Variants in ARHGAP19 observed in about 807,000 individuals in gnomAD.
The protein encoded by ARHGAP19 is Rho GTPase activating protein 19, also known as rho GTPase-activating protein 19.
Under a neutral mutation model 60.9 loss-of-function variants are expected in ARHGAP19, and 48 were observed. That is an observed-to-expected ratio of 0.79 (90% CI 0.62 to 1.00). The LOEUF is 1.00. Among genes scored for constraint, ARHGAP19 ranks in the 50% least tolerant of loss-of-function variants. The pLI, the probability that ARHGAP19 is intolerant of heterozygous loss-of-function variation, is 0.00. For missense variants in ARHGAP19, 562 were observed against 597.2 expected (o/e 0.94, Z 0.61); for synonymous variants, 209 against 215.5 (o/e 0.97, Z 0.27).
chr10:97,241,442 C>A (rs771735212), intron 8 of ARHGAP19, among the ~76,000 whole-genome samples: 1 of 150,668 alleles, frequency 6.6e-6, no homozygotes, highest in Admixed American at 6.6e-5. Context: ...TGGCCAGGTG[C>A]GGTGGCTCAC....
At chr10:97,231,399 T>G (rs1425325450) in intron 9 of ARHGAP19, among the ~76,000 whole-genome samples, 1 of 152,176 alleles carries the variant, frequency 6.6e-6, no homozygotes, top group East Asian at 1.9e-4. Context: ...CACCATCATC[T>G]ATCTTCAGAA....
At chr10:97,248,815 A>G (rs929284822) in intron 6 of ARHGAP19, among the ~76,000 whole-genome samples, 2 of 150,354 alleles carry the variant, frequency 1.3e-5, no homozygotes, top group South Asian at 4.2e-4. Context: ...TTAAATATCA[A>G]TTTTGTTTGT....
At chr10:97,269,079 A>T (rs1842932484) in intron 1 of ARHGAP19, among the ~76,000 whole-genome samples, 1 of 152,192 alleles carries the variant, frequency 6.6e-6, no homozygotes, top group African/African-American at 2.4e-5. Flanking sequence ...CAGTAAAAGC[A>T]ATCACAACTT....
chr10:97,235,645 C>T (rs1322256920), intron 8 of ARHGAP19, among the ~76,000 whole-genome samples: 1 of 152,008 alleles, frequency 6.6e-6, no homozygotes, highest in African/African-American at 2.4e-5. Flanking sequence ...AACAAAGCAT[C>T]TTGGAACCAC....
chr10:97,255,688 G>T (rs1423525156), intron 6 of ARHGAP19, among the ~76,000 whole-genome samples: 1 of 152,138 alleles, frequency 6.6e-6, no homozygotes, highest in African/African-American at 2.4e-5. Flanking sequence ...AACATCAAAA[G>T]GTCAGAGTAT....
At chr10:97,282,839 C>CTTTTTTTTTT (rs56387291) in intron 1 of ARHGAP19, among the ~76,000 whole-genome samples, 1 of 90,994 alleles carries the variant, frequency 1.1e-5, no homozygotes, top group African/African-American at 3.7e-5. Flanking sequence ...TTTCTTTTTT[C>CTTTTTTTTTT]TTTTTTTTTT....
In ARHGAP19 at chr10:97,222,570, T is replaced by C. The variant is rs1850823618; in HGVS notation, c.*3552A>G. ...CTGTCAACTCTACGCTGGTAGAAGA[T>C]CTCGGCATTAGCTGTCTGGGGAAGC... On this transcript the variant is annotated 3_prime_UTR_variant, in exon 12 of 12. Transcript: ENST00000358531. 6.6e-6 allele frequency: 1 copy of C among 152,228 alleles called. No homozygotes were observed. The highest frequency in any genetic ancestry group is 6.5e-5 in the Admixed American group (1 of 15,268). The allele number at this position is 152,228 out of a possible 1,614,324, so 9.4% of individuals were successfully genotyped here. A position where few individuals can be genotyped will look rare whatever the true frequency, so the allele number is the denominator to read the frequency against.
chr10:97,291,187 GCCA>G (rs778402967), intron 1 of ARHGAP19, among the ~76,000 whole-genome samples: 32 of 152,186 alleles, frequency 2.1e-4, no homozygotes, highest in Non-Finnish European at 3.2e-4. Flanking sequence ...GCCAGCAACG[GCCA>G]CCCACTTTGG....
In ARHGAP19 at chr10:97,266,918, C is replaced by T. The variant is rs1842905784; in HGVS notation, c.57-793G>A. ...TCAAAATGAGATTTGGGTGGGGACA[C>T]AGCCAAACCATATCATTCTGCCCCG... On this transcript the variant is annotated intron_variant, in intron 1 of 11. Transcript: ENST00000358531. Among the ~76,000 whole-genome samples, 4 of 152,270 alleles carry T rather than the reference C, an allele frequency of 2.6e-5. No individual in the cohort carries two copies. The South Asian group carries it at 8.3e-4, about 32-fold the overall frequency.
chr10:97,229,156 CCT>C lies in ARHGAP19; in HGVS notation c.1463_1464del (p.Glu488GlyfsTer23), dbSNP rs764635769. On this transcript the variant is annotated frameshift_variant, in exon 11 of 12. Transcript: ENST00000358531. LOFTEE classifies it high-confidence loss of function. ...TAAGTACAATTAGTACCTTTTTTCCCCTCTTTCTTCCCTTCAGACCACTTCAA... is the reference window on the plus strand; with the variant it reads ...TAAGTACAATTAGTACCTTTTTTCCCCTTTCTTCCCTTCAGACCACTTCAA... ...TRLKWSEGKK[E>X]GKKGFL 31 of 1,613,706 alleles carry C rather than the reference CCT, an allele frequency of 1.9e-5. No homozygotes were observed. Among genetic ancestry groups the C allele is most frequent in the Admixed American group, 6.7e-5 (4 of 60,014 alleles).
rs1842799644 is a variant in ARHGAP19 at position 97,259,504 on chromosome 10, C to CA, written c.737dup (p.Leu246PhefsTer3). 6.2e-7 allele frequency: 1 copy of CA among 1,614,044 alleles called. No individual in the cohort carries two copies. The highest frequency in any genetic ancestry group is 8.5e-7 in the Non-Finnish European group (1 of 1,180,030). ...TTGCTGTCTGGTATAGGAGATCAAG[C>CA]AATAACTTCAGCAAATTACGATTAG... is the stretch of plus-strand genomic sequence containing the variant. On this transcript the variant is annotated frameshift_variant, in exon 5 of 12. Transcript: ENST00000358531. LOFTEE classifies it high-confidence loss of function.
At chr10:97,255,528 G>C (rs1205014422) in intron 6 of ARHGAP19, among the ~76,000 whole-genome samples, 1 of 152,154 alleles carries the variant, frequency 6.6e-6, no homozygotes, top group Non-Finnish European at 1.5e-5. Flanking sequence ...AGTGAGCCAA[G>C]ACTGTACCAA....
intron 9 of ARHGAP19, among the ~76,000 whole-genome samples, chr10:97,234,289 A>G (rs1469023172): frequency 2.6e-5 from 4 of 151,966 alleles, no homozygotes; most frequent in African/African-American, 4.8e-5. Context: ...AAAAAAATAA[A>G]AATAGCTAAC....
intron 1 of ARHGAP19, among the ~76,000 whole-genome samples, chr10:97,286,223 A>G (rs1159142410): frequency 6.6e-6 from 1 of 152,248 alleles, no homozygotes; most frequent in Non-Finnish European, 1.5e-5. Flanking sequence ...CCTGGGATCA[A>G]TAAAGGTTTA....
At chr10:97,259,650 G>T (rs1201994674) in intron 4 of ARHGAP19, 22 bp from the exon 5 acceptor site, 4 of 1,580,012 alleles carry the variant, frequency 2.5e-6, no homozygotes, top group Middle Eastern at 1.7e-4. Flanking sequence ...AAGAGAATTT[G>T]CAAAGTGGGG....
At chr10:97,263,033 A>C (rs1392766304) in intron 4 of ARHGAP19, among the ~76,000 whole-genome samples, 1 of 152,142 alleles carries the variant, frequency 6.6e-6, no homozygotes, top group Admixed American at 6.5e-5. Flanking sequence ...GGCTCACCTG[A>C]GCCCGGGAGA....
At chr10:97,247,993 TCTCA>T (rs1475358362) in intron 6 of ARHGAP19, among the ~76,000 whole-genome samples, 3 of 135,564 alleles carry the variant, frequency 2.2e-5, no homozygotes, top group African/African-American at 8.3e-5. Flanking sequence ...TGAGACGGAG[TCTCA>T]CTCTCTCGCC....
chr10:97,235,329 T>C lies in ARHGAP19; in HGVS notation c.1186-14A>G. On this transcript the variant is annotated splice_polypyrimidine_tract_variant and intron_variant, in intron 8 of 11. Coordinates refer to ENST00000358531, the MANE Select transcript of ARHGAP19 (RefSeq NM_032900.6). Reference sequence around the variant, plus strand: ...TTGCTTATTAAACTAAAAGAAAACATGGAGAACATTTTATAAATACTTTCC... The same window carrying C: ...TTGCTTATTAAACTAAAAGAAAACACGGAGAACATTTTATAAATACTTTCC... The C allele has an allele frequency of 2.5e-6, 4 of 1,578,672 alleles. No homozygotes were observed. The highest frequency in any genetic ancestry group is 3.5e-6 in the Non-Finnish European group (4 of 1,149,090).
At chr10:97,244,966 G>T (rs1450948422) in intron 7 of ARHGAP19, among the ~76,000 whole-genome samples, 2 of 151,426 alleles carry the variant, frequency 1.3e-5, no homozygotes, top group East Asian at 1.9e-4. Flanking sequence ...AGTATGCTTG[G>T]AAGAGACCCA....
Sources: allele counts gnomAD v4.1 joint callset (sites outside exome capture counted in the v4.1 genomes callset), GRCh38; gene constraint gnomAD v4.1.1; transcripts MANE v1.5; gene names NCBI Gene and HGNC (gene_info 2026-07-23, HGNC 2026-07-21).